Variants in RSU1 observed in about 807,000 individuals in gnomAD.
The protein encoded by RSU1 is rsu-1.
In RSU1, 26 loss-of-function variants were observed where a neutral mutation model predicts 31.1. The ratio of observed to expected loss-of-function variants is 0.84; its 90% CI spans 0.61 to 1.16. The LOEUF (loss-of-function observed/expected upper bound fraction) is 1.16, where lower values mean the gene tolerates loss of function less well. Among genes scored for constraint, RSU1 ranks in the 50% most tolerant of loss-of-function variants. RSU1 has a pLI of 0.00. For synonymous variants in RSU1, 164 were observed against 136.3 expected (o/e 1.20, Z -1.41); for missense variants, 320 against 339.1 (o/e 0.94, Z 0.44).
At chr10:16,797,660 CAAT>C (rs1341472754) in intron 2 of RSU1, among the ~76,000 whole-genome samples, 3 of 151,848 alleles carry the variant, frequency 2.0e-5, no homozygotes, top group Admixed American at 2.0e-4. Context: ...GCCATTACAA[CAAT>C]GATACATGAC....
intron 8 of RSU1, among the ~76,000 whole-genome samples, chr10:16,658,612 T>C (rs963228215): frequency 1.3e-5 from 2 of 152,114 alleles, no homozygotes; most frequent in Non-Finnish European, 2.9e-5. Context: ...TAATCCCAGC[T>C]ACTCAGGAGG....
chr10:16,616,156 A>T (rs962536735), intron 8 of RSU1, among the ~76,000 whole-genome samples: 1 of 152,174 alleles, frequency 6.6e-6, no homozygotes. Context: ...AATCAAATAG[A>T]CAAAATAAAA....
chr10:16,724,310 T>G (rs1588494964), intron 7 of RSU1, among the ~76,000 whole-genome samples: 1 of 152,160 alleles, frequency 6.6e-6, no homozygotes, highest in East Asian at 1.9e-4. Flanking sequence ...AAATCTACTG[T>G]GAAAGAGAAA....
At chr10:16,773,646 C>A (rs960790094) in intron 3 of RSU1, among the ~76,000 whole-genome samples, 1 of 152,192 alleles carries the variant, frequency 6.6e-6, no homozygotes, top group Non-Finnish European at 1.5e-5. Context: ...GCCTCCTCCA[C>A]GTAATACAGA....
intron 7 of RSU1, among the ~76,000 whole-genome samples, chr10:16,714,702 G>C (rs73604885): frequency 3.6e-4 from 55 of 152,188 alleles, no homozygotes; most frequent in African/African-American, 1.2e-3. Flanking sequence ...AGTGCTGCAG[G>C]TACCTGTGTG....
intron 8 of RSU1, among the ~76,000 whole-genome samples, chr10:16,639,966 G>A (rs1236449739): frequency 2.6e-5 from 4 of 152,214 alleles, no homozygotes; most frequent in East Asian, 3.9e-4. Context: ...ATTTTAGAAA[G>A]GTTTCATATC....
intron 7 of RSU1, among the ~76,000 whole-genome samples, chr10:16,749,055 T>A (rs183360964): frequency 3.9e-5 from 6 of 152,276 alleles, no homozygotes; most frequent in Admixed American, 2.6e-4. Flanking sequence ...AAAGGCAAGT[T>A]CCTTGGACTC....
chr10:16,675,420 C>CT (rs1319025622), intron 8 of RSU1, among the ~76,000 whole-genome samples: 1 of 151,814 alleles, frequency 6.6e-6, no homozygotes, highest in Non-Finnish European at 1.5e-5. Flanking sequence ...TTCTTTTTTT[C>CT]TTTTTTAAAG....
intron 8 of RSU1, among the ~76,000 whole-genome samples, chr10:16,662,725 A>G (rs999987433): frequency 2.6e-5 from 4 of 152,180 alleles, no homozygotes; most frequent in Admixed American, 2.0e-4. Context: ...CCAAACTTCA[A>G]CTGGTTAGAT....
chr10:16,798,048 G>A (rs947277326), intron 2 of RSU1, among the ~76,000 whole-genome samples: 8 of 151,856 alleles, frequency 5.3e-5, no homozygotes, highest in South Asian at 2.1e-4. Context: ...TTTTAGTAGC[G>A]ACGGGGTTTT....
At chr10:16,731,682 T>C (rs1217605293) in intron 7 of RSU1, among the ~76,000 whole-genome samples, 1 of 152,226 alleles carries the variant, frequency 6.6e-6, no homozygotes, top group Non-Finnish European at 1.5e-5. Flanking sequence ...TTTTAAAATC[T>C]TCGTTAATCG....
intron 3 of RSU1, among the ~76,000 whole-genome samples, chr10:16,781,778 G>A (rs1837656360): frequency 6.6e-6 from 1 of 152,134 alleles, no homozygotes; most frequent in South Asian, 2.1e-4. Flanking sequence ...CTTGAGCCCA[G>A]GAGTTCAAGA....
chr10:16,810,464 A>T (rs1396524387), intron 2 of RSU1, among the ~76,000 whole-genome samples: 1 of 152,132 alleles, frequency 6.6e-6, no homozygotes, highest in Non-Finnish European at 1.5e-5. Context: ...CTGTTCCCCC[A>T]GCAGCCGCCC....
At chr10:16,675,754 T>C (rs116596388) in intron 8 of RSU1, among the ~76,000 whole-genome samples, 1,672 of 152,296 alleles carry the variant, frequency 0.011, 31 homozygotes, top group African/African-American at 0.039. Context: ...CTCCTTTGAG[T>C]AGAAAGTAAT....
intron 7 of RSU1, among the ~76,000 whole-genome samples, chr10:16,723,675 G>A (rs1025671697): frequency 1.3e-5 from 2 of 152,174 alleles, no homozygotes; most frequent in African/African-American, 4.8e-5. Flanking sequence ...AGAAGAATGG[G>A]AAGCTTCAGA....
In RSU1 at chr10:16,695,410, G is replaced by T. The variant is rs78455926; in HGVS notation, c.599-255C>A. 7.5e-3 allele frequency among the ~76,000 whole-genome samples: 1,143 copies of T among 152,312 alleles called. 15 individuals are homozygous for T. The highest frequency in any genetic ancestry group is 0.026 in the African/African-American group (1,075 of 41,568). Reference sequence around the variant, plus strand: ...AAAAGGAAAGCAGAGCAGAGGGAAGGAGGTATTTGCTGCAGAGACAAAAAT... The same window carrying T: ...AAAAGGAAAGCAGAGCAGAGGGAAGTAGGTATTTGCTGCAGAGACAAAAAT... On this transcript the variant is annotated intron_variant, in intron 7 of 8. Transcript: ENST00000345264.
At chr10:16,711,898 A>G (rs1313188417) in intron 7 of RSU1, among the ~76,000 whole-genome samples, 1 of 152,134 alleles carries the variant, frequency 6.6e-6, no homozygotes, top group Non-Finnish European at 1.5e-5. Flanking sequence ...TAGGTGCATT[A>G]GGTCTTTGAT....
chr10:16,684,238 C>T (rs368758006), intron 8 of RSU1, among the ~76,000 whole-genome samples: 3 of 152,164 alleles, frequency 2.0e-5, no homozygotes, highest in South Asian at 2.1e-4. Flanking sequence ...TTGGGGTAAA[C>T]GATTTTTATT....
At chr10:16,725,492 C>T (rs1836373214) in intron 7 of RSU1, among the ~76,000 whole-genome samples, 1 of 152,048 alleles carries the variant, frequency 6.6e-6, no homozygotes, top group Admixed American at 6.5e-5. Flanking sequence ...TCAACGAAAG[C>T]ATCTTGAGCG....
Sources: gnomAD v4.1 joint callset for allele counts (sites outside exome capture counted in the v4.1 genomes callset) on GRCh38, gnomAD v4.1.1 for gene constraint, MANE v1.5 for transcripts, NCBI Gene and HGNC (gene_info 2026-07-23, HGNC 2026-07-21) for gene names.